SAMTOR: variants seen among roughly 807,000 people sequenced by gnomAD.
SAMTOR encodes the protein UPF0532 protein C7orf60.
chr7:112,923,503 C>T, the SAMTOR span, among the ~76,000 whole-genome samples: 1 of 151,162 alleles, frequency 6.6e-6, no homozygotes, highest in East Asian at 1.9e-4. Flanking sequence ...TAAATAAATA[C>T]TCAAAAACAA....
chr7:112,870,064 C>A, the SAMTOR span, among the ~76,000 whole-genome samples: 1 of 152,084 alleles, frequency 6.6e-6, no homozygotes, highest in Non-Finnish European at 1.5e-5. Context: ...GTAAAGCGAT[C>A]AAATCTACAA....
At chr7:112,885,793 T>C in the SAMTOR span, among the ~76,000 whole-genome samples, 2 of 152,244 alleles carry the variant, frequency 1.3e-5, no homozygotes, top group Non-Finnish European at 2.9e-5. Context: ...GACGTCTGCC[T>C]GTTACCCAGT....
At chr7:112,879,921 A>G in the SAMTOR span, among the ~76,000 whole-genome samples, 1 of 152,188 alleles carries the variant, frequency 6.6e-6, no homozygotes, top group African/African-American at 2.4e-5. Context: ...AGTCTAGTTA[A>G]CCTTTTAAAT....
At chr7:112,923,180 C>A in the SAMTOR span, among the ~76,000 whole-genome samples, 1 of 152,168 alleles carries the variant, frequency 6.6e-6, no homozygotes, top group African/African-American at 2.4e-5. Flanking sequence ...GACCTTACCC[C>A]TAACCCTGTG....
the SAMTOR span, among the ~76,000 whole-genome samples, chr7:112,881,077 A>C: frequency 1.3e-5 from 2 of 152,172 alleles, no homozygotes; most frequent in African/African-American, 4.8e-5. Flanking sequence ...ACTGCCCCGC[A>C]GGCTCAGAAG....
chr7:112,863,977 T>C, the SAMTOR span, among the ~76,000 whole-genome samples: 1 of 152,142 alleles, frequency 6.6e-6, no homozygotes, highest in East Asian at 1.9e-4. Flanking sequence ...CTATTCACAA[T>C]AGCAAAGACA....
the SAMTOR span, among the ~76,000 whole-genome samples, chr7:112,848,892 A>G: frequency 6.6e-6 from 1 of 152,140 alleles, no homozygotes; most frequent in Non-Finnish European, 1.5e-5. Flanking sequence ...TACTAAAAAT[A>G]CCAAAAATTA....
At chr7:112,926,505 A>T in the SAMTOR span, among the ~76,000 whole-genome samples, 13 of 152,190 alleles carry the variant, frequency 8.5e-5, no homozygotes, top group African/African-American at 3.1e-4. Context: ...TTTGTAGGCT[A>T]ATGCAACTCA....
At chr7:112,853,260 G>T in the SAMTOR span, among the ~76,000 whole-genome samples, 1 of 151,236 alleles carries the variant, frequency 6.6e-6, no homozygotes, top group Non-Finnish European at 1.5e-5. Context: ...CCTTTATTCA[G>T]CGGAAAAGAA....
the SAMTOR span, among the ~76,000 whole-genome samples, chr7:112,854,623 A>G: frequency 6.6e-6 from 1 of 152,214 alleles, no homozygotes; most frequent in Non-Finnish European, 1.5e-5. Context: ...TTGAAAAGCT[A>G]CACAAAGAAT....
the SAMTOR span, among the ~76,000 whole-genome samples, chr7:112,935,679 G>A: frequency 6.6e-6 from 1 of 152,128 alleles, no homozygotes; most frequent in East Asian, 1.9e-4. Flanking sequence ...TTCAGGGATT[G>A]AATAATTTGA....
chr7:112,939,775 GC>G, the SAMTOR span: 1 of 1,539,658 alleles, frequency 6.5e-7, no homozygotes, highest in Non-Finnish European at 8.8e-7. Context: ...CGCCGCCGCC[GC>G]CCCTCAGGCC....
the SAMTOR span, among the ~76,000 whole-genome samples, chr7:112,862,108 AGGTG>A: frequency 6.6e-6 from 1 of 152,134 alleles, no homozygotes; most frequent in Non-Finnish European, 1.5e-5. Context: ...ATAAAAAATT[AGGTG>A]GGCATGGTGG....
the SAMTOR span, among the ~76,000 whole-genome samples, chr7:112,823,706 T>C: frequency 6.6e-6 from 1 of 152,294 alleles, no homozygotes; most frequent in African/African-American, 2.4e-5. Flanking sequence ...GATCATACAG[T>C]AGGTGGTGTA....
chr7:112,886,534 G>C, the SAMTOR span, among the ~76,000 whole-genome samples: 3 of 152,270 alleles, frequency 2.0e-5, no homozygotes, highest in Non-Finnish European at 4.4e-5. Context: ...AATGTCCAAT[G>C]AAAGAACAAT....
the SAMTOR span, among the ~76,000 whole-genome samples, chr7:112,861,513 T>C: frequency 6.6e-6 from 1 of 152,190 alleles, no homozygotes; most frequent in African/African-American, 2.4e-5. Flanking sequence ...CCGTTAGTGA[T>C]TTTTATAGAC....
At chr7:112,873,520 G>A in the SAMTOR span, among the ~76,000 whole-genome samples, 2 of 152,120 alleles carry the variant, frequency 1.3e-5, no homozygotes, top group Non-Finnish European at 2.9e-5. Flanking sequence ...ACATGCAGAA[G>A]AATGAAACTG....
the SAMTOR span, among the ~76,000 whole-genome samples, chr7:112,901,920 G>A: frequency 6.6e-6 from 1 of 152,110 alleles, no homozygotes; most frequent in African/African-American, 2.4e-5. Flanking sequence ...TGGATAAACT[G>A]TGATACATCT....
At chr7:112,855,645 C>T in the SAMTOR span, among the ~76,000 whole-genome samples, 1 of 152,174 alleles carries the variant, frequency 6.6e-6, no homozygotes, top group African/African-American at 2.4e-5. Flanking sequence ...GCCAATAGCA[C>T]ATTAAATCCT....
Sources: gnomAD v4.1 joint callset for allele counts (sites outside exome capture counted in the v4.1 genomes callset) on GRCh38, gnomAD v4.1.1 for gene constraint, MANE v1.5 for transcripts, NCBI Gene and HGNC (gene_info 2026-07-23, HGNC 2026-07-21) for gene names.